Variants in NUP133 observed in about 807,000 individuals in gnomAD.
The protein encoded by NUP133 is nuclear pore complex protein Nup133.
Under a neutral mutation model 146.2 loss-of-function variants are expected in NUP133, and 66 were observed. The observed-to-expected ratio is 0.45, with a 90% CI of 0.37 to 0.55. The LOEUF (loss-of-function observed/expected upper bound fraction) is 0.55. NUP133 is among the 20% of genes least tolerant of loss of function. The pLI is 0.00. For synonymous variants in NUP133, 521 were observed against 498.8 expected (o/e 1.04, Z -0.59); for missense variants, 1,277 against 1,374.8 (o/e 0.93, Z 1.12).
At chr1:229,458,711 A>ATTTTTT (rs11444377) in intron 20 of NUP133, among the ~76,000 whole-genome samples, 1 of 133,068 alleles carries the variant, frequency 7.5e-6, no homozygotes, top group East Asian at 2.1e-4. Context: ...GATGGACTAC[A>ATTTTTT]TTTTTTTTTT....
At chr1:229,482,017 C>T (rs1011483850) in intron 12 of NUP133, among the ~76,000 whole-genome samples, 1 of 152,068 alleles carries the variant, frequency 6.6e-6, no homozygotes, top group African/African-American at 2.4e-5. Context: ...TTTGAGATGC[C>T]ACAAATGTGA....
intron 24 of NUP133, among the ~76,000 whole-genome samples, chr1:229,446,639 C>T (rs932450901): frequency 1.3e-5 from 2 of 150,842 alleles, no homozygotes; most frequent in South Asian, 2.1e-4. Flanking sequence ...GAGGCTGAGG[C>T]GGGAGAATGG....
chr1:229,443,377 T>C (rs1308187950), intron 25 of NUP133, among the ~76,000 whole-genome samples: 1 of 152,120 alleles, frequency 6.6e-6, no homozygotes, highest in East Asian at 1.9e-4. Context: ...AACTATTAAA[T>C]GTTGGTGACT....
Position 229,484,093 on chromosome 1 carries a change from T to G in NUP133, c.1553A>C (p.Lys518Thr). 3 of 1,613,628 alleles carry G rather than the reference T, an allele frequency of 1.9e-6. No individual in the cohort carries two copies. Among genetic ancestry groups the G allele is most frequent in the Admixed American group, 1.7e-5 (1 of 59,978 alleles). The stretch of plus-strand genomic sequence containing the variant: ...AAAGGCAGCTTTCAGCAACTTGATT[T>G]TATCTTCCTGGGCTATAGTTTCATT... Reference protein sequence around the residue: ...TKNETIAQEDKIKLLKAAFLQ... With the variant: ...TKNETIAQEDTIKLLKAAFLQ... The change falls in exon 12 of 26, where the codon AAA becomes ACA. Residue 518 changes from lysine to threonine, a missense_variant. This residue lies in a region of NUP133 where 952 missense variants were observed against 1,047.0 expected (regional missense o/e 0.91). Coordinates refer to ENST00000261396, the MANE Select transcript of NUP133 (RefSeq NM_018230.3).
intron 1 of NUP133, 61 bp from the exon 2 acceptor site, chr1:229,506,219 T>G: frequency 4.4e-6 from 4 of 912,570 alleles, no homozygotes; most frequent in Non-Finnish European, 6.8e-6. Flanking sequence ...ATCCTAATTT[T>G]TTATGTATAT....
intron 2 of NUP133, among the ~76,000 whole-genome samples, chr1:229,503,429 T>C (rs1421597206): frequency 6.6e-6 from 1 of 152,128 alleles, no homozygotes; most frequent in Non-Finnish European, 1.5e-5. Context: ...AAATAAGAGC[T>C]CCTTAAAGGA....
chr1:229,479,352 A>G (rs1661152618), intron 12 of NUP133, among the ~76,000 whole-genome samples: 2 of 152,210 alleles, frequency 1.3e-5, no homozygotes, highest in South Asian at 4.1e-4. Context: ...ACACAGTTCA[A>G]AGCCGTGTTG....
chr1:229,450,346 G>A (rs973875299), intron 23 of NUP133, among the ~76,000 whole-genome samples, 179 bp downstream of exon 23: 2 of 152,222 alleles, frequency 1.3e-5, no homozygotes, highest in African/African-American at 4.8e-5. Flanking sequence ...ACAAAAGGGA[G>A]TCTCTTGACC....
chr1:229,467,024 C>T (rs1660841896), intron 15 of NUP133, among the ~76,000 whole-genome samples: 1 of 152,132 alleles, frequency 6.6e-6, no homozygotes, highest in South Asian at 2.1e-4. Context: ...TTTATTATAG[C>T]TACTCTGCTC....
In NUP133 at chr1:229,441,140, T is replaced by A. The variant is rs1660174075; in HGVS notation, c.*764A>T. The A allele has an allele frequency of 3.2e-6, 1 of 312,148 alleles. No individual in the cohort carries two copies. The allele number at this position is 312,148 out of a possible 1,614,324, so 19.3% of individuals were successfully genotyped here. ...CTATAATGGTTTCTAGTATCATTCA[T>A]GCTTTTGACTAGCTAGGCAGACTGT... On this transcript the variant is annotated 3_prime_UTR_variant, in exon 26 of 26. Coordinates refer to ENST00000261396, the MANE Select transcript of NUP133 (RefSeq NM_018230.3).
In NUP133 at chr1:229,497,305, G is replaced by A. The variant is rs116906948; in HGVS notation, c.819+831C>T. ...CAAAAAATAACAAGGTTTTATACCT[G>A]GGTCACTGAAAAAAGGGATGGTGCT... On this transcript the variant is annotated intron_variant, in intron 6 of 25. Coordinates refer to ENST00000261396, the MANE Select transcript of NUP133 (RefSeq NM_018230.3). Among the ~76,000 whole-genome samples, 36 of 152,210 alleles carry A rather than the reference G, an allele frequency of 2.4e-4. No homozygotes were observed. In the East Asian group the frequency reaches 6.6e-3, roughly 28 times the overall value.
chr1:229,466,658 C>T lies in NUP133; in HGVS notation c.2175G>A (p.Val725=). The part of the protein sequence containing the change: ...PMDSIEWAEV[V]INVNNILKDM... ...CCTTGAGAATATTGTTCACATTGAT[C>T]ACCACTTCAGCCCATTCAATGGAAT... The change falls in exon 16 of 26, where the codon GTG becomes GTA. Residue 725 remains valine, a synonymous_variant. Transcript: ENST00000261396. 1 of 1,614,028 alleles carries T rather than the reference C, an allele frequency of 6.2e-7. No individual in the cohort carries two copies. Among genetic ancestry groups the T allele is most frequent in the Non-Finnish European group, 8.5e-7 (1 of 1,179,950 alleles).
Position 229,506,036 on chromosome 1 carries a change from C to A in NUP133, c.301+4G>T, listed in dbSNP as rs1227405398. ...ATATAGGTAAATGGAAAGATGACAC[C>A]TACCTTCAGCCAATGTTAGGGCTTC... is the stretch of plus-strand genomic sequence containing the variant. On this transcript the variant is annotated splice_donor_region_variant and intron_variant, in intron 2 of 25. Transcript: ENST00000261396. 1 of 1,531,800 alleles carries A rather than the reference C, an allele frequency of 6.5e-7. No homozygotes were observed. The highest frequency in any genetic ancestry group is 1.4e-5 in the African/African-American group (1 of 73,260). The allele number at this position is 1,531,800 out of a possible 1,614,324, so 94.9% of individuals were successfully genotyped here. A position where few individuals can be genotyped will look rare whatever the true frequency, so the allele number is the denominator to read the frequency against.
chr1:229,465,295 T>G, intron 17 of NUP133, 125 bp downstream of exon 17: 1 of 722,848 alleles, frequency 1.4e-6, no homozygotes, highest in Non-Finnish European at 2.4e-6. Context: ...CAAGAGCTGC[T>G]CATTTTGGAG....
At chr1:229,460,460 A>G (rs1571912495) in intron 20 of NUP133, 151 bp downstream of exon 20, 2 of 708,272 alleles carry the variant, frequency 2.8e-6, no homozygotes, top group Non-Finnish European at 4.4e-6. Flanking sequence ...TACAGGTATA[A>G]GCCACCATGC....
intron 14 of NUP133, among the ~76,000 whole-genome samples, chr1:229,474,417 C>CA (rs1157734978): frequency 6.6e-6 from 1 of 151,502 alleles, no homozygotes; most frequent in East Asian, 1.9e-4. Flanking sequence ...ATAACAATAA[C>CA]AAAAAAAGAG....
chr1:229,448,197 G>A (rs1274001902), intron 24 of NUP133, among the ~76,000 whole-genome samples: 1 of 152,214 alleles, frequency 6.6e-6, no homozygotes, highest in Non-Finnish European at 1.5e-5. Flanking sequence ...GGGAGGCTGA[G>A]GTGGGCAGAT....
rs1660936446 is a variant in NUP133 at position 229,470,735 on chromosome 1, A to T, written c.1921T>A (p.Cys641Ser). The change falls in exon 15 of 26, where the codon TGT (cysteine) becomes AGT (serine). Residue 641 changes from cysteine to serine, a missense_variant. Cys to Ser is a moderately radical substitution (Grantham distance 112, BLOSUM62 -1). Around this residue, in one of 3 missense-constraint regions of NUP133, gnomAD observed 952 missense variants for 1,047.0 expected, o/e 0.91. Coordinates refer to ENST00000261396, the MANE Select transcript of NUP133 (RefSeq NM_018230.3). Reference sequence around the variant, plus strand: ...GCTGACAGCTTTTCGGCATGCTCACAGAGCAACAGTCGAGTGGCCATCGGT... The same window carrying T: ...GCTGACAGCTTTTCGGCATGCTCACTGAGCAACAGTCGAGTGGCCATCGGT... ...GTPMATRLLL[C>S]EHAEKLSAAI... is the part of the protein sequence containing the mutation. 1.7e-5 allele frequency: 28 copies of T among 1,614,248 alleles called. No homozygotes were observed. Among genetic ancestry groups the T allele is most frequent in the Non-Finnish European group, 2.4e-5 (28 of 1,180,052 alleles).
Position 229,506,148 on chromosome 1 carries a change from T to C in NUP133, c.193A>G (p.Thr65Ala), listed in dbSNP as rs578094869. The part of the protein sequence containing the change: ...RSSLSSRGTP[T>A]RMFPHHSITE... ...ATGGAGTGGTGTGGGAACATTCGTG[T>C]TGGTGTTCCCCTAAAGAAAAGAGTC... Residue 65 changes from threonine to alanine, a missense_variant, in exon 2 of 26, where the codon ACA becomes GCA. By Grantham distance (58) the Thr-to-Ala change is moderately conservative (BLOSUM62 0). This residue lies in a region of NUP133 where 319 missense variants were observed against 306.9 expected (regional missense o/e 1.04). Coordinates refer to ENST00000261396, the MANE Select transcript of NUP133 (RefSeq NM_018230.3). 26 of 1,600,910 alleles carry C rather than the reference T, an allele frequency of 1.6e-5. No individual in the cohort carries two copies. The East Asian group carries it at 4.5e-4, about 28-fold the overall frequency.
Sources: allele counts gnomAD v4.1 joint callset (sites outside exome capture counted in the v4.1 genomes callset), GRCh38; gene constraint gnomAD v4.1.1; regional missense constraint gnomAD v4.1.1; transcripts MANE v1.5; gene names NCBI Gene and HGNC (gene_info 2026-07-23, HGNC 2026-07-21).